ARHGEF10: variants seen among roughly 807,000 people sequenced by gnomAD.
The protein encoded by ARHGEF10 is Rho guanine nucleotide exchange factor 10.
In ARHGEF10, 140 loss-of-function variants were observed where a neutral mutation model predicts 147.4. The ratio of observed to expected loss-of-function variants is 0.95; its 90% confidence interval spans 0.83 to 1.09. ARHGEF10 has a LOEUF of 1.09. ARHGEF10 is among the 50% of genes least tolerant of loss of function. The pLI is 0.00. For synonymous variants in ARHGEF10, 902 were observed against 695.8 expected (o/e 1.30, Z -4.67); for missense variants, 2,222 against 1,752.7 (o/e 1.27, Z -4.78).
intron 26 of ARHGEF10, among the ~76,000 whole-genome samples, chr8:1,940,888 A>G (rs1814035502): frequency 6.6e-6 from 1 of 152,256 alleles, no homozygotes; most frequent in Non-Finnish European, 1.5e-5. Flanking sequence ...GATCATCTCA[A>G]TTGATGCACA....
At chr8:1,900,323 G>A (rs1047330337) in intron 15 of ARHGEF10, among the ~76,000 whole-genome samples, 4 of 152,146 alleles carry the variant, frequency 2.6e-5, no homozygotes, top group African/African-American at 7.2e-5. Flanking sequence ...CAGCTCCCAC[G>A]TTTCCATCCA....
intron 11 of ARHGEF10, among the ~76,000 whole-genome samples, chr8:1,887,541 A>C (rs1204589911): frequency 6.9e-6 from 1 of 144,396 alleles, no homozygotes; most frequent in African/African-American, 2.7e-5. Flanking sequence ...ATACGTGAGG[A>C]AACACTGAGT....
At chr8:1,951,504 G>T (rs1233505397) in intron 27 of ARHGEF10, among the ~76,000 whole-genome samples, 1 of 152,180 alleles carries the variant, frequency 6.6e-6, no homozygotes, top group Non-Finnish European at 1.5e-5. Flanking sequence ...TGTAGTGAGG[G>T]TTTTTTGTTT....
Position 1,896,457 on chromosome 8 carries a change from CT to C in ARHGEF10, c.1557+18del, listed in dbSNP as rs397840091. Reference sequence around the variant, plus strand: ...TTTCTTGAATTTTTAAAGGTAAGCGCTTTTTTTTTTCATTTGGGTTTTAACA... The same window carrying C: ...TTTCTTGAATTTTTAAAGGTAAGCGCTTTTTTTTTCATTTGGGTTTTAACA... On this transcript the variant is annotated intron_variant, in intron 14 of 28. Coordinates refer to ENST00000349830, the MANE Select transcript of ARHGEF10 (RefSeq NM_014629.4). 4,334 of 1,484,772 alleles carry C rather than the reference CT, an allele frequency of 2.9e-3. 7 individuals carry two copies. The highest frequency in any genetic ancestry group is 3.4e-3 in the Non-Finnish European group (3,650 of 1,083,526). 92.0% of individuals were successfully genotyped at this position (1,484,772 alleles called of 1,614,324 possible). A position where few individuals can be genotyped will look rare whatever the true frequency, so the allele number is the denominator to read the frequency against.
chr8:1,865,411 A>G (rs1404410386), intron 5 of ARHGEF10, among the ~76,000 whole-genome samples: 6 of 147,850 alleles, frequency 4.1e-5, no homozygotes, highest in Non-Finnish European at 7.4e-5. Context: ...GGTCACCAGG[A>G]CATGGGGCAT....
chr8:1,952,853 G>A lies in ARHGEF10; in HGVS notation c.3520+26G>A, dbSNP rs765320172. 7 of 1,613,532 alleles carry A rather than the reference G, an allele frequency of 4.3e-6. No homozygotes were observed. In the East Asian group the frequency reaches 1.3e-4, roughly 31 times the overall value. On this transcript the variant is annotated intron_variant, in intron 28 of 28. Coordinates refer to ENST00000349830, the MANE Select transcript of ARHGEF10 (RefSeq NM_014629.4). ...GTGAGTGGCACCTGCAGTCTGAGTGGCTGCATCCTGTCTTGCAGGCTCGTG... is the reference window on the plus strand; with the variant it reads ...GTGAGTGGCACCTGCAGTCTGAGTGACTGCATCCTGTCTTGCAGGCTCGTG...
chr8:1,892,275 C>G (rs1212490681), intron 11 of ARHGEF10, among the ~76,000 whole-genome samples: 1 of 93,380 alleles, frequency 1.1e-5, no homozygotes, highest in Non-Finnish European at 2.1e-5. Context: ...CAGCTTCTGG[C>G]TCTGTGTGTG....
intron 18 of ARHGEF10, among the ~76,000 whole-genome samples, chr8:1,909,939 G>A (rs2129184582): frequency 1.3e-5 from 2 of 152,332 alleles, no homozygotes; most frequent in African/African-American, 4.8e-5. Context: ...TGGAGGCAGT[G>A]CTTGTCCATG....
intron 27 of ARHGEF10, chr8:1,945,865 A>C (rs1814538918): frequency 2.4e-6 from 1 of 424,370 alleles, no homozygotes; most frequent in East Asian, 5.6e-5. Context: ...TGCAGGGCAC[A>C]GGTCCTGAAG....
In ARHGEF10 at chr8:1,885,850, C is replaced by T. The variant is rs546543095; in HGVS notation, c.1182+143C>T. On this transcript the variant is annotated intron_variant, in intron 11 of 28. Coordinates refer to ENST00000349830, the MANE Select transcript of ARHGEF10 (RefSeq NM_014629.4). ...GGGCCCTCCACTGTAGGTTCCTGGC[C>T]CAGCACTTAGAGGCTTACTGCTGGG... 19 of 735,402 alleles carry T rather than the reference C, an allele frequency of 2.6e-5. No homozygotes were observed. The African/African-American group carries it at 2.9e-4, about 11-fold the overall frequency. The allele number at this position is 735,402 out of a possible 1,614,324, so 45.6% of individuals were successfully genotyped here.
At chr8:1,939,712 G>A (rs940916440) in intron 26 of ARHGEF10, among the ~76,000 whole-genome samples, 4 of 152,206 alleles carry the variant, frequency 2.6e-5, no homozygotes, top group Admixed American at 6.5e-5. Flanking sequence ...ATCAGGCTTC[G>A]AGACTACTGG....
intron 1 of ARHGEF10, among the ~76,000 whole-genome samples, chr8:1,838,520 G>C (rs1470074318): frequency 6.6e-6 from 1 of 152,242 alleles, no homozygotes; most frequent in Non-Finnish European, 1.5e-5. Context: ...CTGTGTGCAC[G>C]CCGGAGGCAG....
intron 1 of ARHGEF10, among the ~76,000 whole-genome samples, chr8:1,828,181 C>T (rs940672616): frequency 3.9e-5 from 6 of 152,200 alleles, no homozygotes; most frequent in African/African-American, 9.7e-5. Context: ...TCCTGCAAGT[C>T]GTAGGTGTTG....
At chr8:1,900,711 A>C (rs1810384130) in intron 15 of ARHGEF10, among the ~76,000 whole-genome samples, 1 of 152,206 alleles carries the variant, frequency 6.6e-6, no homozygotes, top group South Asian at 2.1e-4. Context: ...TTAAACTCAG[A>C]ATTCCAGTTA....
intron 8 of ARHGEF10, among the ~76,000 whole-genome samples, chr8:1,877,444 T>C (rs1807803731): frequency 6.6e-6 from 1 of 152,232 alleles, no homozygotes; most frequent in South Asian, 2.1e-4. Flanking sequence ...GCCAGGCTAG[T>C]CTCGAATCCC....
At chr8:1,920,489 AT>A (rs1332402920) in intron 18 of ARHGEF10, among the ~76,000 whole-genome samples, 11 of 97,966 alleles carry the variant, frequency 1.1e-4, no homozygotes, top group East Asian at 7.2e-4. Context: ...TGCCTGGCTA[AT>A]TTTTTTTTTA....
At chr8:1,941,687 C>A (rs145888050) in intron 26 of ARHGEF10, among the ~76,000 whole-genome samples, 8 of 152,178 alleles carry the variant, frequency 5.3e-5, no homozygotes, top group African/African-American at 1.7e-4. Flanking sequence ...AAATTGGAGG[C>A]CCACACTTCC....
At chr8:1,952,059 T>C (rs2129288947) in intron 27 of ARHGEF10, among the ~76,000 whole-genome samples, 1 of 152,300 alleles carries the variant, frequency 6.6e-6, no homozygotes, top group South Asian at 2.1e-4. Flanking sequence ...GGGCTTCAGA[T>C]CCTTGGCTGT....
intron 1 of ARHGEF10, among the ~76,000 whole-genome samples, chr8:1,825,628 A>ATGGGCCCC (rs1367852257): frequency 6.6e-6 from 1 of 151,544 alleles, no homozygotes; most frequent in Non-Finnish European, 1.5e-5. Flanking sequence ...CTCCCCTTCC[A>ATGGGCCCC]TGGGCCCCTG....
Sources: gnomAD v4.1 joint callset for allele counts (sites outside exome capture counted in the v4.1 genomes callset) on GRCh38, gnomAD v4.1.1 for gene constraint, MANE v1.5 for transcripts, NCBI Gene and HGNC (gene_info 2026-07-23, HGNC 2026-07-21) for gene names.